Variants in SHROOM3 observed in about 807,000 individuals in gnomAD.
SHROOM3 encodes shroom family member 3, also known as protein Shroom3.
SHROOM3 carries 47 observed loss-of-function variants against 138.6 expected under a neutral mutation model. That is an observed-to-expected ratio of 0.34 (90% CI 0.27 to 0.43). The LOEUF (loss-of-function observed/expected upper bound fraction) is 0.43. Ranked by LOEUF, SHROOM3 falls within the 20% of genes least tolerant of loss-of-function variation. The probability of loss-of-function intolerance (pLI) is 1.00; values close to 1 mark genes in which losing one functional copy is unlikely to be tolerated. For synonymous variants in SHROOM3, 1,062 were observed against 1,063.3 expected, an observed-to-expected ratio of 1.00 and a Z score of 0.02; for missense variants, 2,491 against 2,596.5, an observed-to-expected ratio of 0.96 and a Z score of 0.88.
intron 1 of SHROOM3, among the ~76,000 whole-genome samples, chr4:76,483,615 A>G (rs565013097): frequency 1.3e-5 from 2 of 152,352 alleles, no homozygotes; most frequent in East Asian, 3.9e-4. Flanking sequence ...AGAACCAGAA[A>G]TACCATTTGA....
At chr4:76,756,414 T>C in intron 7 of SHROOM3, 35 bp from the exon 8 acceptor site, 1 of 1,524,570 alleles carries the variant, frequency 6.6e-7, no homozygotes, top group East Asian at 2.4e-5. Context: ...TTTCTCTCTC[T>C]CTCTTTTTTT....
At chr4:76,528,933 T>C (rs1437461938) in intron 1 of SHROOM3, among the ~76,000 whole-genome samples, 2 of 152,172 alleles carry the variant, frequency 1.3e-5, no homozygotes, top group Admixed American at 6.5e-5. Flanking sequence ...TTGACATTAA[T>C]GGGTGGGCAA....
At chr4:76,772,383 C>T (rs1203855279) in intron 10 of SHROOM3, among the ~76,000 whole-genome samples, 3 of 151,910 alleles carry the variant, frequency 2.0e-5, no homozygotes, top group African/African-American at 2.4e-5. Flanking sequence ...GGGTTACAGG[C>T]GTGAGCCACC....
At chr4:76,663,204 AG>A (rs1718590694) in intron 2 of SHROOM3, among the ~76,000 whole-genome samples, 1 of 152,130 alleles carries the variant, frequency 6.6e-6, no homozygotes, top group African/African-American at 2.4e-5. Flanking sequence ...TTCCAAGAAA[AG>A]TTATACTTTG....
intron 2 of SHROOM3, among the ~76,000 whole-genome samples, chr4:76,699,370 C>A (rs1296462960): frequency 6.6e-6 from 1 of 152,228 alleles, no homozygotes; most frequent in African/African-American, 2.4e-5. Flanking sequence ...AGGCCCTCCC[C>A]CTGCTTTTTA....
intron 1 of SHROOM3, among the ~76,000 whole-genome samples, chr4:76,474,669 C>G (rs1172168978): frequency 1.3e-5 from 2 of 152,094 alleles, no homozygotes; most frequent in African/African-American, 4.8e-5. Context: ...AATCCCAGCA[C>G]TTTGGGAGGC....
chr4:76,697,030 T>C lies in SHROOM3; in HGVS notation c.324-13126T>C, dbSNP rs182897317. Among the ~76,000 whole-genome samples, 662 of 151,960 alleles carry C rather than the reference T, an allele frequency of 4.4e-3. 5 individuals are homozygous for C. The highest frequency in any genetic ancestry group is 0.015 in the African/African-American group (613 of 41,428). ...CTCCTGGGCTCAAACAATCCTCCCA[T>C]CTCAGCTTCCTGAGTAACTAGGACC... On this transcript the variant is annotated intron_variant, in intron 2 of 10. Coordinates refer to ENST00000296043, the MANE Select transcript of SHROOM3 (RefSeq NM_020859.4).
At chr4:76,744,931 G>A (rs1290507831) in intron 5 of SHROOM3, among the ~76,000 whole-genome samples, 1 of 152,250 alleles carries the variant, frequency 6.6e-6, no homozygotes, top group Non-Finnish European at 1.5e-5. Context: ...TCCTCTGTAT[G>A]TGACAATCGA....
intron 3 of SHROOM3, among the ~76,000 whole-genome samples, chr4:76,720,613 C>CTTT (rs35881578): frequency 7.4e-6 from 1 of 135,722 alleles, no homozygotes. Context: ...TGAATTCTTT[C>CTTT]TTTTTTTTTT....
intron 4 of SHROOM3, among the ~76,000 whole-genome samples, chr4:76,732,024 G>C (rs1449710237): frequency 6.6e-6 from 1 of 152,100 alleles, no homozygotes; most frequent in East Asian, 1.9e-4. Flanking sequence ...TATAGAACGA[G>C]GGAGCACAGC....
At chr4:76,538,680 C>T (rs1733033389) in intron 1 of SHROOM3, among the ~76,000 whole-genome samples, 1 of 152,112 alleles carries the variant, frequency 6.6e-6, no homozygotes, top group Non-Finnish European at 1.5e-5. Context: ...GTATTAAGGG[C>T]CTACTCTACT....
intron 2 of SHROOM3, among the ~76,000 whole-genome samples, chr4:76,575,398 G>A (rs569867884): frequency 5.4e-4 from 82 of 152,182 alleles, no homozygotes; most frequent in African/African-American, 1.8e-3. Context: ...AACTGAAAAG[G>A]AAGAAAGCAA....
chr4:76,511,712 A>T (rs561429760), intron 1 of SHROOM3, among the ~76,000 whole-genome samples: 1 of 152,294 alleles, frequency 6.6e-6, no homozygotes, highest in African/African-American at 2.4e-5. Context: ...TAAAACACCC[A>T]TGTGTTGCCA....
chr4:76,705,188 G>T (rs770162678), intron 2 of SHROOM3, among the ~76,000 whole-genome samples: 1 of 151,894 alleles, frequency 6.6e-6, no homozygotes, highest in African/African-American at 2.4e-5. Flanking sequence ...ATACCAAATA[G>T]GTTGGGCATG....
At chr4:76,721,883 A>G (rs1378472558) in intron 3 of SHROOM3, among the ~76,000 whole-genome samples, 4 of 152,346 alleles carry the variant, frequency 2.6e-5, no homozygotes, top group Middle Eastern at 6.8e-3. Flanking sequence ...AGAAGTAAAT[A>G]TGGGGAAAAT....
At position 76,747,037 on chromosome 4, in the gene SHROOM3, C is replaced by A. The variant is rs7684029; in HGVS notation, c.3754-1980C>A. The stretch of plus-strand genomic sequence containing the variant: ...GTTTCACCACGTTAGCCAGGATGAT[C>A]TCGATCTCCTGACCTCATGATCTGC... On this transcript the variant is annotated intron_variant, in intron 5 of 10. Transcript: ENST00000296043. Among the ~76,000 whole-genome samples the A allele has an allele frequency of 8.7e-3, 1,324 of 152,104 alleles. 21 individuals are homozygous for A. The highest frequency in any genetic ancestry group is 0.028 in the African/African-American group (1,176 of 41,506).
At chr4:76,694,365 G>T (rs1446143916) in intron 2 of SHROOM3, among the ~76,000 whole-genome samples, 1 of 151,590 alleles carries the variant, frequency 6.6e-6, no homozygotes, top group Non-Finnish European at 1.5e-5. Flanking sequence ...CTTTTTGTTT[G>T]TTTTTTTTTG....
At chr4:76,525,168 T>G (rs1232173849) in intron 1 of SHROOM3, among the ~76,000 whole-genome samples, 1 of 152,186 alleles carries the variant, frequency 6.6e-6, no homozygotes, top group Admixed American at 6.5e-5. Flanking sequence ...GGAAAGAGGT[T>G]TAATTGACTC....
chr4:76,631,203 C>CTTTTTTTTT (rs71212436), intron 2 of SHROOM3, among the ~76,000 whole-genome samples: 14 of 104,204 alleles, frequency 1.3e-4, no homozygotes, highest in East Asian at 2.9e-4. Flanking sequence ...TTTTTTTAAT[C>CTTTTTTTTT]TTTTTTTTTT....
Sources: gnomAD v4.1 joint callset for allele counts (sites outside exome capture counted in the v4.1 genomes callset) on GRCh38, gnomAD v4.1.1 for gene constraint, MANE v1.5 for transcripts, NCBI Gene and HGNC (gene_info 2026-07-23, HGNC 2026-07-21) for gene names.